Variants in PARD3B observed in about 807,000 individuals in gnomAD.
PARD3B encodes par-3 family cell polarity regulator beta, also known as partitioning defective 3 homolog B.
PARD3B carries 103 observed loss-of-function variants against 130.2 expected under a neutral mutation model. The ratio of observed to expected loss-of-function variants is 0.79; its 90% CI spans 0.67 to 0.93. PARD3B has a LOEUF of 0.93. PARD3B is among the 40% of genes least tolerant of loss of function. The pLI, the probability that PARD3B is intolerant of heterozygous loss-of-function variation, is 0.00. For synonymous variants in PARD3B, 583 were observed against 553.2 expected (o/e 1.05, Z -0.76); for missense variants, 1,609 against 1,499.2 (o/e 1.07, Z -1.21).
intron 18 of PARD3B, among the ~76,000 whole-genome samples, chr2:205,342,429 T>C (rs964518359): frequency 6.6e-6 from 1 of 152,186 alleles, no homozygotes; most frequent in Non-Finnish European, 1.5e-5. Flanking sequence ...ATGAAGTATG[T>C]TGAAGTTGAC....
At chr2:205,432,106 A>G (rs2047358930) in intron 19 of PARD3B, among the ~76,000 whole-genome samples, 1 of 152,152 alleles carries the variant, frequency 6.6e-6, no homozygotes, top group South Asian at 2.1e-4. Context: ...GAGGCATTTG[A>G]AGGGCAGTCT....
chr2:204,558,487 G>T (rs2031084372), intron 1 of PARD3B, among the ~76,000 whole-genome samples: 1 of 152,148 alleles, frequency 6.6e-6, no homozygotes, highest in Non-Finnish European at 1.5e-5. Flanking sequence ...ACTTACAAGG[G>T]ATGTGAAGGA....
At chr2:205,417,272 T>C (rs2046811802) in intron 19 of PARD3B, among the ~76,000 whole-genome samples, 1 of 152,140 alleles carries the variant, frequency 6.6e-6, no homozygotes, top group South Asian at 2.1e-4. Context: ...CCCTTTCTTA[T>C]GGCTGCATAA....
intron 2 of PARD3B, among the ~76,000 whole-genome samples, chr2:204,942,964 C>T (rs1689027812): frequency 6.6e-6 from 1 of 152,052 alleles, no homozygotes; most frequent in African/African-American, 2.4e-5. Context: ...CTAATCTGTA[C>T]AACAGACCCC....
chr2:205,040,636 GTGTTTTTTT>G (rs1698330706), intron 3 of PARD3B, among the ~76,000 whole-genome samples: 1 of 152,176 alleles, frequency 6.6e-6, no homozygotes, highest in African/African-American at 2.4e-5. Context: ...CTGGAAGAAT[GTGTTTTTTT>G]CTACTTCTTT....
chr2:204,563,858 C>A (rs1286034078), intron 1 of PARD3B, among the ~76,000 whole-genome samples: 1 of 152,150 alleles, frequency 6.6e-6, no homozygotes, highest in African/African-American at 2.4e-5. Context: ...ACTGCCAGAT[C>A]CACCTCCCGG....
At chr2:205,509,211 A>T (rs1442216870) in intron 21 of PARD3B, among the ~76,000 whole-genome samples, 1 of 152,044 alleles carries the variant, frequency 6.6e-6, no homozygotes, top group African/African-American at 2.4e-5. Context: ...CTAGGAATTG[A>T]TTTTTCCCAT....
intron 2 of PARD3B, among the ~76,000 whole-genome samples, chr2:204,821,903 C>A (rs1262276335): frequency 2.0e-5 from 3 of 151,932 alleles, no homozygotes; most frequent in African/African-American, 4.8e-5. Flanking sequence ...TTGTCTTTAT[C>A]AGCAGCGTGA....
chr2:204,888,727 T>C (rs1287250434), intron 2 of PARD3B, among the ~76,000 whole-genome samples: 11 of 114,590 alleles, frequency 9.6e-5, no homozygotes, highest in African/African-American at 4.9e-4. Context: ...TGAGACCCTG[T>C]CTCAAAAAAA....
At chr2:205,471,175 T>A (rs746235074) in intron 20 of PARD3B, among the ~76,000 whole-genome samples, 1 of 152,250 alleles carries the variant, frequency 6.6e-6, no homozygotes, top group East Asian at 1.9e-4. Flanking sequence ...GTTTCCTAGA[T>A]GTATTGTAGA....
intron 1 of PARD3B, among the ~76,000 whole-genome samples, chr2:204,644,585 GAGTT>G (rs2035208882): frequency 1.3e-5 from 2 of 152,000 alleles, no homozygotes; most frequent in South Asian, 4.1e-4. Context: ...CCTAGTTAGA[GAGTT>G]AGAATAATTT....
Position 204,991,945 on chromosome 2 carries a change from T to G in PARD3B, c.394+26622T>G, listed in dbSNP as rs939381584. ...GGTTGTTTGTTTTTTTCTTGTAAAT[T>G]TGTTGGAGTTCATTGTAGATTCTGG... On this transcript the variant is annotated intron_variant, in intron 3 of 22. Transcript: ENST00000406610. Among the ~76,000 whole-genome samples, 542 of 151,610 alleles carry G rather than the reference T, an allele frequency of 3.6e-3. 4 individuals carry two copies. Among genetic ancestry groups the G allele is most frequent in the Non-Finnish European group, 6.8e-3 (460 of 67,608 alleles).
At chr2:204,914,313 G>T (rs929156283) in intron 2 of PARD3B, among the ~76,000 whole-genome samples, 3 of 152,026 alleles carry the variant, frequency 2.0e-5, no homozygotes, top group African/African-American at 7.2e-5. Context: ...CTGGTCATGT[G>T]ACAAGGACCC....
intron 2 of PARD3B, among the ~76,000 whole-genome samples, chr2:204,837,583 C>A (rs2044093375): frequency 6.6e-6 from 1 of 151,944 alleles, no homozygotes; most frequent in Non-Finnish European, 1.5e-5. Context: ...CCATGCCTGG[C>A]CTGGTCTTTC....
Position 205,291,032 on chromosome 2 carries a change from G to A in PARD3B, c.2186-9498G>A, listed in dbSNP as rs1048620496. On this transcript the variant is annotated intron_variant, in intron 16 of 22. Transcript: ENST00000406610. The surrounding 1 kb of genome is among the most constrained non-coding windows in gnomAD (Gnocchi z 4.6). ...CAGTTTATGAAATTTCATTATAGCT[G>A]CCCAAATGGACTAAGACAAAAATTG... Among the ~76,000 whole-genome samples the A allele has an allele frequency of 6.6e-6, 1 of 152,118 alleles. No homozygotes were observed. The highest frequency in any genetic ancestry group is 2.1e-4 in the South Asian group (1 of 4,828).
intron 2 of PARD3B, among the ~76,000 whole-genome samples, chr2:204,767,221 T>G (rs2041206047): frequency 1.8e-5 from 1 of 54,452 alleles, no homozygotes; most frequent in Non-Finnish European, 3.6e-5. Context: ...CATTGTTCAA[T>G]TCCCACCTAT....
chr2:205,562,266 T>C lies in PARD3B; in HGVS notation c.3260+8863T>C, dbSNP rs2053166032. 6.6e-6 allele frequency among the ~76,000 whole-genome samples: 1 copy of C among 152,234 alleles called. No homozygotes were observed. Among genetic ancestry groups the C allele is most frequent in the Non-Finnish European group, 1.5e-5 (1 of 68,032 alleles). On this transcript the variant is annotated intron_variant, in intron 22 of 22. Coordinates refer to ENST00000406610, the MANE Select transcript of PARD3B (RefSeq NM_001302769.2). This position sits in a 1 kb window ranked among gnomAD's most constrained non-coding sequence, Gnocchi z 5.4. Reference sequence around the variant, plus strand: ...GCCAGTTAGAATATTTGATATTAATTATTCAGTCAAAGGCCTCCATTATGA... The same window carrying C: ...GCCAGTTAGAATATTTGATATTAATCATTCAGTCAAAGGCCTCCATTATGA...
intron 3 of PARD3B, among the ~76,000 whole-genome samples, chr2:205,014,392 ATC>A (rs1695962139): frequency 1.3e-5 from 2 of 152,154 alleles, no homozygotes; most frequent in African/African-American, 4.8e-5. Flanking sequence ...CTTCTTTCTT[ATC>A]TATAGTTCCC....
chr2:205,192,884 G>A (rs774807725), intron 14 of PARD3B, among the ~76,000 whole-genome samples: 47 of 152,170 alleles, frequency 3.1e-4, no homozygotes, highest in Non-Finnish European at 3.4e-4. Context: ...ATCTTTTGAA[G>A]TGCTAGTGTT....
Sources: allele counts gnomAD v4.1 joint callset (sites outside exome capture counted in the v4.1 genomes callset), GRCh38; gene constraint gnomAD v4.1.1; non-coding constraint Gnocchi (gnomAD v3.1); transcripts MANE v1.5; gene names NCBI Gene and HGNC (gene_info 2026-07-23, HGNC 2026-07-21).